INPP4B: variants seen among roughly 807,000 people sequenced by gnomAD.
INPP4B encodes the protein inositol polyphosphate 4-phosphatase type II.
A neutral mutation model predicts 122.5 loss-of-function variants in INPP4B; 55 were observed. The observed-to-expected ratio is 0.45, with a 90% CI of 0.36 to 0.56. The LOEUF (loss-of-function observed/expected upper bound fraction) is 0.56, where lower values mean the gene tolerates loss of function less well. INPP4B is among the 20% of genes least tolerant of loss of function. The pLI, the probability that INPP4B is intolerant of heterozygous loss-of-function variation, is 0.00. For synonymous variants in INPP4B, 403 were observed against 388.7 expected (o/e 1.04, Z -0.43); for missense variants, 1,000 against 1,097.7 (o/e 0.91, Z 1.26).
At chr4:142,464,433 T>C (rs1171762370) in intron 2 of INPP4B, among the ~76,000 whole-genome samples, 3 of 152,116 alleles carry the variant, frequency 2.0e-5, no homozygotes, top group Non-Finnish European at 4.4e-5. Context: ...CTCATTCATA[T>C]TATCATATGT....
chr4:142,490,926 C>T (rs34379546), intron 2 of INPP4B, among the ~76,000 whole-genome samples: 40,440 of 152,072 alleles, frequency 0.27, 7,032 homozygotes, highest in Middle Eastern at 0.4. Flanking sequence ...TAGTATAATA[C>T]TTCATTGTGT....
chr4:142,307,910 T>C (rs1244507697), intron 8 of INPP4B, among the ~76,000 whole-genome samples: 2 of 152,112 alleles, frequency 1.3e-5, no homozygotes, highest in African/African-American at 2.4e-5. Context: ...TGCAGTCTTT[T>C]TGGCAATAAA....
Position 142,682,364 on chromosome 4 carries a change from C to CT in INPP4B, c.-191+43474dup, listed in dbSNP as rs576852094. Reference sequence around the variant, plus strand: ...TGAACACGGATTATAAAAGAAATGCCTTTTCTTTAAAAATCTAAAGTGTTG... The same window carrying CT: ...TGAACACGGATTATAAAAGAAATGCCTTTTTCTTTAAAAATCTAAAGTGTTG... On this transcript the variant is annotated intron_variant, in intron 2 of 25. Coordinates refer to ENST00000262992, the MANE Select transcript of INPP4B (RefSeq NM_001101669.3). 5.8e-3 allele frequency among the ~76,000 whole-genome samples: 874 copies of CT among 151,818 alleles called. 15 individuals are homozygous for CT. The highest frequency in any genetic ancestry group is 0.02 in the African/African-American group (838 of 41,476).
chr4:142,710,651 A>G (rs1763005962), intron 2 of INPP4B, among the ~76,000 whole-genome samples: 1 of 152,222 alleles, frequency 6.6e-6, no homozygotes, highest in African/African-American at 2.4e-5. Flanking sequence ...TTCATGAATG[A>G]GCAATCTATA....
intron 2 of INPP4B, among the ~76,000 whole-genome samples, chr4:142,524,948 C>A (rs567595227): frequency 3.8e-4 from 58 of 152,182 alleles, no homozygotes; most frequent in South Asian, 3.5e-3. Flanking sequence ...AAGTCAAATT[C>A]TCCCTGTTTG....
intron 1 of INPP4B, among the ~76,000 whole-genome samples, chr4:142,843,183 A>G (rs1286662897): frequency 6.6e-6 from 1 of 151,524 alleles, no homozygotes; most frequent in Non-Finnish European, 1.5e-5. Context: ...AAGTTTTAGA[A>G]CACAAAGACT....
chr4:142,396,117 G>T (rs148435022), intron 7 of INPP4B, among the ~76,000 whole-genome samples: 1,686 of 151,906 alleles, frequency 0.011, 39 homozygotes, highest in African/African-American at 0.039. Context: ...TTGATAAACT[G>T]GACTTAATCA....
intron 2 of INPP4B, among the ~76,000 whole-genome samples, chr4:142,467,330 G>C (rs981181751): frequency 2.6e-5 from 4 of 152,198 alleles, no homozygotes; most frequent in Non-Finnish European, 4.4e-5. Flanking sequence ...GGCCATGAGA[G>C]TCCAGCCCTC....
intron 9 of INPP4B, among the ~76,000 whole-genome samples, chr4:142,272,461 A>G (rs3102443): frequency 0.76 from 115,941 of 151,932 alleles, 45,442 homozygotes; most frequent in East Asian, 0.93. Context: ...ACTAAAATAA[A>G]AAGTGAAATG....
At chr4:142,102,926 G>A (rs1306450305) in intron 23 of INPP4B, among the ~76,000 whole-genome samples, 1 of 152,050 alleles carries the variant, frequency 6.6e-6, no homozygotes, top group African/African-American at 2.4e-5. Context: ...AAAGACTCAA[G>A]AAAAACTCTC....
chr4:142,700,923 A>G (rs1350201199), intron 2 of INPP4B, among the ~76,000 whole-genome samples: 1 of 152,194 alleles, frequency 6.6e-6, no homozygotes, highest in African/African-American at 2.4e-5. Flanking sequence ...TTATCTCAGA[A>G]CACATTATGG....
chr4:142,194,700 C>T (rs1837426252), intron 14 of INPP4B, among the ~76,000 whole-genome samples: 1 of 152,152 alleles, frequency 6.6e-6, no homozygotes, highest in South Asian at 2.1e-4. Context: ...GACAGAGAGT[C>T]AGTGTTCCCT....
intron 2 of INPP4B, among the ~76,000 whole-genome samples, chr4:142,650,674 T>C (rs1018467814): frequency 7.2e-5 from 11 of 152,012 alleles, no homozygotes; most frequent in African/African-American, 2.4e-4. Flanking sequence ...GAGCTAACTA[T>C]CCTAAATATA....
intron 1 of INPP4B, among the ~76,000 whole-genome samples, chr4:142,782,439 A>G (rs1380517783): frequency 2.0e-5 from 3 of 151,764 alleles, no homozygotes; most frequent in African/African-American, 7.3e-5. Flanking sequence ...GCCACAATAA[A>G]CATACGTGTG....
chr4:142,188,555 G>C (rs895333624), intron 15 of INPP4B, among the ~76,000 whole-genome samples: 5 of 131,740 alleles, frequency 3.8e-5, no homozygotes, highest in Non-Finnish European at 1.6e-5. Context: ...ATACAAAATA[G>C]TAAGCATAGT....
chr4:142,144,103 T>G (rs1456254317), intron 18 of INPP4B, among the ~76,000 whole-genome samples: 1 of 151,964 alleles, frequency 6.6e-6, no homozygotes, highest in Non-Finnish European at 1.5e-5. Context: ...ATGTACACAA[T>G]GTCTCATATT....
At chr4:142,141,935 T>A (rs1319216596) in intron 18 of INPP4B, among the ~76,000 whole-genome samples, 4 of 151,988 alleles carry the variant, frequency 2.6e-5, no homozygotes, top group African/African-American at 9.7e-5. Flanking sequence ...TATCCCAACA[T>A]AAATCACAAT....
chr4:142,314,837 C>A, intron 7 of INPP4B, 75 bp from the exon 8 acceptor site: 3 of 1,173,344 alleles, frequency 2.6e-6, no homozygotes, highest in Non-Finnish European at 2.4e-6. Flanking sequence ...TGCTGGGTTT[C>A]AATTTCCTTC....
chr4:142,605,080 C>A (rs1740946533), intron 2 of INPP4B, among the ~76,000 whole-genome samples: 2 of 152,010 alleles, frequency 1.3e-5, no homozygotes, highest in African/African-American at 4.8e-5. Context: ...TTATAGCCAA[C>A]TGATCTTTGG....
Sources: allele counts gnomAD v4.1 joint callset (sites outside exome capture counted in the v4.1 genomes callset), GRCh38; gene constraint gnomAD v4.1.1; transcripts MANE v1.5; gene names NCBI Gene and HGNC (gene_info 2026-07-23, HGNC 2026-07-21).